The following NTM variants were observed in gnomAD, a reference collection of about 807,000 sequenced individuals.
NTM encodes the protein neurotrimin, also known as IgLON family member 2.
A neutral mutation model predicts 42.1 loss-of-function variants in NTM; 13 were observed. That is an observed-to-expected ratio of 0.31 (90% CI 0.20 to 0.49). NTM has a LOEUF of 0.49. Among genes scored for constraint, NTM ranks in the 20% least tolerant of loss-of-function variants. NTM has a pLI of 0.99. For synonymous variants in NTM, 187 were observed against 179.2 expected, an observed-to-expected ratio of 1.04 and a Z score of -0.35; for missense variants, 373 against 452.8, an observed-to-expected ratio of 0.82 and a Z score of 1.60.
intron 1 of NTM, among the ~76,000 whole-genome samples, chr11:131,691,314 G>A (rs2074669443): frequency 1.3e-5 from 2 of 152,214 alleles, no homozygotes; most frequent in Admixed American, 1.3e-4. Context: ...GCCGCGGGGA[G>A]TTCGCCCCTG....
intron 1 of NTM, among the ~76,000 whole-genome samples, chr11:131,741,162 T>TGAGAGAGAGAGAGA (rs71067330): frequency 2.8e-4 from 36 of 129,826 alleles, no homozygotes; most frequent in South Asian, 1.1e-3. Flanking sequence ...AAGACCCCGT[T>TGAGAGAGAGAGAGA]GAGAGAGAGA....
chr11:131,807,336 A>G (rs73579906), intron 1 of NTM, among the ~76,000 whole-genome samples: 10,460 of 152,264 alleles, frequency 0.069, 1,224 homozygotes, highest in African/African-American at 0.24. Flanking sequence ...CCGTAGCATG[A>G]AAGTGGAGGG....
intron 1 of NTM, among the ~76,000 whole-genome samples, chr11:131,489,086 G>A (rs1030503781): frequency 3.3e-5 from 5 of 152,178 alleles, no homozygotes; most frequent in Non-Finnish European, 7.3e-5. Flanking sequence ...GATCCAGCAG[G>A]TGGACCTTCC....
At position 131,509,929 on chromosome 11, in the gene NTM, A is replaced by G. The variant is rs1591878542; in HGVS notation, c.82+139041A>G. On this transcript the variant is annotated intron_variant, in intron 1 of 8. Transcript: ENST00000683400. Reference sequence around the variant, plus strand: ...GATATAAAGACACATATCTCAGGGCATCAAAGCAAGAAGGAAATGACTGAG... The same window carrying G: ...GATATAAAGACACATATCTCAGGGCGTCAAAGCAAGAAGGAAATGACTGAG... 4.6e-5 allele frequency among the ~76,000 whole-genome samples: 7 copies of G among 152,320 alleles called. 1 individual carries two copies. The highest frequency in any genetic ancestry group is 4.6e-4 in the Admixed American group (7 of 15,308).
At chr11:131,442,391 C>A (rs1480293168) in intron 1 of NTM, among the ~76,000 whole-genome samples, 5 of 152,168 alleles carry the variant, frequency 3.3e-5, no homozygotes, top group Admixed American at 3.3e-4. Context: ...ACAGAGGGGA[C>A]ATGACAGCTT....
Position 132,317,804 on chromosome 11 carries a change from G to C in NTM, c.934+3101G>C, listed in dbSNP as rs1210570509. ...GTCTGTAAAGTGTCTTAGAGGATGTGGAAGGCTATTGAAGGAGGTGATTGA... is the reference window on the plus strand; with the variant it reads ...GTCTGTAAAGTGTCTTAGAGGATGTCGAAGGCTATTGAAGGAGGTGATTGA... On this transcript the variant is annotated intron_variant, in intron 7 of 8. Transcript: ENST00000683400. 5.7e-6 allele frequency: 3 copies of C among 529,020 alleles called. No homozygotes were observed. In the Admixed American group the frequency reaches 8.5e-5, roughly 15 times the overall value. 32.8% of individuals were successfully genotyped at this position (529,020 alleles called of 1,614,324 possible). A position where few individuals can be genotyped will look rare whatever the true frequency, so the allele number is the denominator to read the frequency against.
At chr11:131,841,400 C>T (rs983464827) in intron 1 of NTM, among the ~76,000 whole-genome samples, 1 of 152,122 alleles carries the variant, frequency 6.6e-6, no homozygotes, top group Non-Finnish European at 1.5e-5. Context: ...GGTGTTAGAG[C>T]TACAACGGCA....
chr11:131,717,952 T>G (rs2077898809), intron 1 of NTM, among the ~76,000 whole-genome samples: 1 of 152,222 alleles, frequency 6.6e-6, no homozygotes, highest in African/African-American at 2.4e-5. Flanking sequence ...TGCTTTCGTC[T>G]TTATTAAGAT....
chr11:131,567,060 G>A (rs1041940652), intron 1 of NTM, among the ~76,000 whole-genome samples: 1 of 152,078 alleles, frequency 6.6e-6, no homozygotes, highest in Non-Finnish European at 1.5e-5. Flanking sequence ...GGGGTTGGGT[G>A]TAAGCTGGGG....
At chr11:131,854,032 A>G (rs12269835) in intron 1 of NTM, among the ~76,000 whole-genome samples, 1 of 152,258 alleles carries the variant, frequency 6.6e-6, no homozygotes, top group Non-Finnish European at 1.5e-5. Flanking sequence ...TGCATGGTTC[A>G]TCTGTAGTAG....
rs200046254 is a variant in NTM at position 131,895,702 on chromosome 11, G to GTA, written c.83-15853_83-15852dup. Among the ~76,000 whole-genome samples, 301 of 151,842 alleles carry GTA rather than the reference G, an allele frequency of 2.0e-3. No homozygotes were observed. In the Middle Eastern group the frequency reaches 0.021, roughly 10 times the overall value. ...AATATACATATATATGTGTGTGTGT[G>GTA]TATATATATACATTTCCTTTAAAAT... On this transcript the variant is annotated intron_variant, in intron 1 of 8. Transcript: ENST00000683400.
chr11:131,704,060 C>A (rs1178819155), intron 1 of NTM, among the ~76,000 whole-genome samples: 1 of 144,554 alleles, frequency 6.9e-6, no homozygotes, highest in Admixed American at 6.8e-5. Context: ...GGCTCTAGGC[C>A]AGCCCTTACA....
chr11:131,886,632 CCTT>C (rs1201511797), intron 1 of NTM, among the ~76,000 whole-genome samples: 1 of 152,216 alleles, frequency 6.6e-6, no homozygotes, highest in Admixed American at 6.5e-5. Flanking sequence ...GCTTGTGTCT[CCTT>C]CTGTTTCCCA....
intron 4 of NTM, among the ~76,000 whole-genome samples, chr11:132,224,749 G>A (rs1479368701): frequency 1.3e-5 from 2 of 152,224 alleles, no homozygotes; most frequent in African/African-American, 4.8e-5. Flanking sequence ...TAGTGGGAGT[G>A]GAGAAGAGAG....
chr11:131,954,739 G>A (rs1453066262), intron 2 of NTM, among the ~76,000 whole-genome samples: 1 of 151,948 alleles, frequency 6.6e-6, no homozygotes, highest in East Asian at 1.9e-4. Context: ...ATCCACATTC[G>A]TCATTGTTAA....
chr11:131,999,264 A>G (rs991983631), intron 2 of NTM, among the ~76,000 whole-genome samples: 1 of 152,154 alleles, frequency 6.6e-6, no homozygotes, highest in Admixed American at 6.5e-5. Flanking sequence ...TCTAAAAAGC[A>G]CGTGTGCTTG....
chr11:131,494,053 C>T (rs1955076741), intron 1 of NTM, among the ~76,000 whole-genome samples: 1 of 152,194 alleles, frequency 6.6e-6, no homozygotes, highest in Non-Finnish European at 1.5e-5. Flanking sequence ...TCAACATGTA[C>T]AAAATTCTCC....
intron 4 of NTM, among the ~76,000 whole-genome samples, chr11:132,216,704 G>A (rs1396502179): frequency 6.6e-6 from 1 of 152,202 alleles, no homozygotes; most frequent in East Asian, 1.9e-4. Context: ...TAGCACCTAG[G>A]AAGTGTTTAA....
At chr11:131,750,469 C>T (rs1469726643) in intron 1 of NTM, among the ~76,000 whole-genome samples, 2 of 152,214 alleles carry the variant, frequency 1.3e-5, no homozygotes, top group East Asian at 3.9e-4. Flanking sequence ...CTGGTTCCAA[C>T]CACCATACAG....
Sources: gnomAD v4.1 joint callset for allele counts (sites outside exome capture counted in the v4.1 genomes callset) on GRCh38, gnomAD v4.1.1 for gene constraint, MANE v1.5 for transcripts, NCBI Gene and HGNC (gene_info 2026-07-23, HGNC 2026-07-21) for gene names.